The following TSPAN9 variants were observed in gnomAD, a reference collection of about 807,000 sequenced individuals.
TSPAN9 encodes tetraspanin-9.
Under a neutral mutation model 31.0 loss-of-function variants are expected in TSPAN9, and 16 were observed. The observed-to-expected ratio is 0.52, with a 90% CI of 0.35 to 0.78. The LOEUF is 0.78. Ranked by LOEUF, TSPAN9 falls within the 30% of genes least tolerant of loss-of-function variation. The pLI, the probability that TSPAN9 is intolerant of heterozygous loss-of-function variation, is 0.01. For synonymous variants in TSPAN9, 145 were observed against 121.6 expected (o/e 1.19, Z -1.27); for missense variants, 272 against 312.5 (o/e 0.87, Z 0.98).
At chr12:3,251,003 T>C (rs1862236089) in intron 3 of TSPAN9, among the ~76,000 whole-genome samples, 1 of 152,190 alleles carries the variant, frequency 6.6e-6, no homozygotes, top group South Asian at 2.1e-4. Context: ...TTCTTCCTCA[T>C]CTTTATCTTC....
At chr12:3,281,840 C>G (rs1185520592) in intron 8 of TSPAN9, 23 bp downstream of exon 8, 2 of 1,611,686 alleles carry the variant, frequency 1.2e-6, no homozygotes, top group Non-Finnish European at 1.7e-6. Context: ...TCCCCAGCAG[C>G]CTCACCCACC....
At position 3,154,719 on chromosome 12, in the gene TSPAN9, A is replaced by G. The variant is rs116298358; in HGVS notation, c.-17-46458A>G. 3.1e-3 allele frequency among the ~76,000 whole-genome samples: 466 copies of G among 152,278 alleles called. 2 individuals carry two copies. Among genetic ancestry groups the G allele is most frequent in the African/African-American group, 0.011 (450 of 41,562 alleles). Reference sequence around the variant, plus strand: ...TAGTGCTTAAGTACAAATGGGAGACATGATTCTTTTGTTTTAAGTAAATAC... The same window carrying G: ...TAGTGCTTAAGTACAAATGGGAGACGTGATTCTTTTGTTTTAAGTAAATAC... On this transcript the variant is annotated intron_variant, in intron 2 of 8. Transcript: ENST00000011898.
chr12:3,105,626 C>T (rs2098313942), intron 2 of TSPAN9, among the ~76,000 whole-genome samples: 1 of 151,836 alleles, frequency 6.6e-6, no homozygotes, highest in Non-Finnish European at 1.5e-5. Context: ...TAACCATGTG[C>T]TTTGGTGTCT....
chr12:3,152,965 C>T (rs771590509), intron 2 of TSPAN9, among the ~76,000 whole-genome samples: 37 of 152,332 alleles, frequency 2.4e-4, no homozygotes, highest in Non-Finnish European at 4.1e-4. Context: ...GCAGCAGAGG[C>T]GCACACACAC....
chr12:3,237,145 A>G (rs2098394204), intron 3 of TSPAN9, among the ~76,000 whole-genome samples: 1 of 152,152 alleles, frequency 6.6e-6, no homozygotes, highest in Non-Finnish European at 1.5e-5. Context: ...GCTGTGAGAT[A>G]CATCAAAAGA....
Position 3,092,549 on chromosome 12 carries a change from A to T in TSPAN9, c.-18+8830A>T, listed in dbSNP as rs537703710. 4.9e-4 allele frequency among the ~76,000 whole-genome samples: 75 copies of T among 152,332 alleles called. 1 individual carries two copies. Among genetic ancestry groups the T allele is most frequent in the Admixed American group, 2.6e-3 (40 of 15,296 alleles). ...GGGCTCTGAAGGCAGCAAGACAAGT[A>T]GGAAGGGATAAGATTGCTACAGATA... On this transcript the variant is annotated intron_variant, in intron 2 of 8. Coordinates refer to ENST00000011898, the MANE Select transcript of TSPAN9 (RefSeq NM_006675.5).
Position 3,169,440 on chromosome 12 carries a change from C to T in TSPAN9, c.-17-31737C>T, listed in dbSNP as rs144195724. Reference sequence around the variant, plus strand: ...ATTAGTTTGGTGTCCTGGGAAAAGTCCTTTATCCCCTAGATCTCAGCTTCT... The same window carrying T: ...ATTAGTTTGGTGTCCTGGGAAAAGTTCTTTATCCCCTAGATCTCAGCTTCT... On this transcript the variant is annotated intron_variant, in intron 2 of 8. Transcript: ENST00000011898. Among the ~76,000 whole-genome samples, 71 of 152,320 alleles carry T rather than the reference C, an allele frequency of 4.7e-4. No individual in the cohort carries two copies. The East Asian group carries it at 0.013, about 27-fold the overall frequency.
At chr12:3,190,592 A>T (rs2098363843) in intron 2 of TSPAN9, among the ~76,000 whole-genome samples, 1 of 152,178 alleles carries the variant, frequency 6.6e-6, no homozygotes, top group Non-Finnish European at 1.5e-5. Flanking sequence ...CTTTCCTGCA[A>T]AACAGGGCCT....
intron 2 of TSPAN9, chr12:3,200,449 G>GA (rs1693239009): frequency 2.0e-5 from 3 of 152,332 alleles, no homozygotes; most frequent in Non-Finnish European, 4.4e-5. Flanking sequence ...GCAAAGTCGC[G>GA]GAACGAGAGG....
intron 2 of TSPAN9, among the ~76,000 whole-genome samples, chr12:3,162,156 C>T (rs1029287995): frequency 8.5e-5 from 13 of 152,218 alleles, no homozygotes; most frequent in African/African-American, 3.1e-4. Flanking sequence ...GCACCTGGCA[C>T]CTCCCCCCAC....
chr12:3,243,445 T>G (rs2098397679), intron 3 of TSPAN9, among the ~76,000 whole-genome samples: 1 of 152,168 alleles, frequency 6.6e-6, no homozygotes. Context: ...CACGGCAGTT[T>G]GTGGTGCACC....
chr12:3,266,441 A>C (rs1210326543), intron 3 of TSPAN9, among the ~76,000 whole-genome samples: 1 of 152,220 alleles, frequency 6.6e-6, no homozygotes, highest in African/African-American at 2.4e-5. Context: ...ATGAGGAGGA[A>C]GGGCAGGGAA....
At chr12:3,178,788 C>T (rs1047511283) in intron 2 of TSPAN9, among the ~76,000 whole-genome samples, 11 of 152,172 alleles carry the variant, frequency 7.2e-5, no homozygotes, top group Middle Eastern at 3.2e-3. Context: ...TGGTCGCGCT[C>T]ACTTGCCCTT....
chr12:3,276,029 G>A (rs1817527929), intron 3 of TSPAN9, among the ~76,000 whole-genome samples: 1 of 152,208 alleles, frequency 6.6e-6, no homozygotes, highest in Non-Finnish European at 1.5e-5. Flanking sequence ...GTAGCCTCCT[G>A]GTATGAGTCG....
intron 3 of TSPAN9, among the ~76,000 whole-genome samples, chr12:3,253,898 G>T (rs947241992): frequency 6.6e-6 from 1 of 152,220 alleles, no homozygotes; most frequent in East Asian, 1.9e-4. Flanking sequence ...CCCCAGGTGC[G>T]TGGCTGCAGC....
intron 3 of TSPAN9, among the ~76,000 whole-genome samples, chr12:3,241,433 AAC>A (rs760896506): frequency 2.0e-4 from 31 of 152,314 alleles, no homozygotes; most frequent in South Asian, 8.3e-4. Flanking sequence ...AGTTTTGAAA[AAC>A]ACAGTCATAC....
chr12:3,266,412 TC>T (rs1862537928), intron 3 of TSPAN9, among the ~76,000 whole-genome samples: 1 of 152,166 alleles, frequency 6.6e-6, no homozygotes, highest in South Asian at 2.1e-4. Context: ...CGATCGGCAC[TC>T]GTCCACAGCC....
intron 2 of TSPAN9, among the ~76,000 whole-genome samples, chr12:3,128,625 T>C (rs17695429): frequency 0.14 from 20,721 of 152,138 alleles, 1,743 homozygotes; most frequent in Middle Eastern, 0.22. Context: ...AATACCTTCC[T>C]GGCTTTATGG....
At chr12:3,132,442 T>G (rs55774749) in intron 2 of TSPAN9, among the ~76,000 whole-genome samples, 2,728 of 152,200 alleles carry the variant, frequency 0.018, 77 homozygotes, top group African/African-American at 0.062. Flanking sequence ...GTTATTTTCC[T>G]TTTTAAAAAA....
Sources: allele counts gnomAD v4.1 joint callset (sites outside exome capture counted in the v4.1 genomes callset), GRCh38; gene constraint gnomAD v4.1.1; transcripts MANE v1.5; gene names NCBI Gene and HGNC (gene_info 2026-07-23, HGNC 2026-07-21).